The following CEP63 variants were observed in gnomAD, a reference collection of about 807,000 sequenced individuals.
The protein encoded by CEP63 is centrosomal protein of 63 kDa.
Under a neutral mutation model 89.1 loss-of-function variants are expected in CEP63, and 84 were observed. The ratio of observed to expected loss-of-function variants is 0.94; its 90% CI spans 0.79 to 1.13. The LOEUF is 1.13. Ranked by LOEUF, CEP63 falls within the 50% of genes most tolerant of loss-of-function variation. CEP63 has a pLI of 0.00. For synonymous variants in CEP63, 267 were observed against 272.5 expected, an observed-to-expected ratio of 0.98 and a Z score of 0.20; for missense variants, 838 against 813.3, an observed-to-expected ratio of 1.03 and a Z score of -0.37.
the CEP63 span, among the ~76,000 whole-genome samples, chr3:134,763,972 G>A: frequency 6.6e-6 from 1 of 152,160 alleles, no homozygotes; most frequent in Non-Finnish European, 1.5e-5. Context: ...TACTCCCTGG[G>A]TCATAAGGAT....
downstream of CEP63, among the ~76,000 whole-genome samples, chr3:134,589,361 C>G (rs1404179165): frequency 1.3e-5 from 2 of 151,992 alleles, no homozygotes; most frequent in African/African-American, 4.8e-5. Context: ...CTATTATGAC[C>G]AAGCTGAGTT....
At chr3:134,661,566 C>T in the CEP63 span, among the ~76,000 whole-genome samples, 1 of 151,880 alleles carries the variant, frequency 6.6e-6, no homozygotes, top group African/African-American at 2.4e-5. Context: ...TGAAGAGGGT[C>T]CCAAGAGAAG....
At chr3:134,523,962 T>C (rs1341055355) in intron 3 of CEP63, among the ~76,000 whole-genome samples, 6 of 152,212 alleles carry the variant, frequency 3.9e-5, no homozygotes, top group Admixed American at 3.9e-4. Flanking sequence ...TAGTGTTGAA[T>C]CTATAAATTG....
chr3:134,488,174 G>C (rs1182296025), intron 1 of CEP63: 1 of 152,196 alleles, frequency 6.6e-6, no homozygotes, highest in African/African-American at 2.4e-5. Context: ...TCTCCTAGGG[G>C]CACGAACCCT....
At chr3:134,501,031 A>G (rs994315336) in intron 2 of CEP63, among the ~76,000 whole-genome samples, 4 of 152,192 alleles carry the variant, frequency 2.6e-5, no homozygotes, top group Non-Finnish European at 4.4e-5. Context: ...GAGGAAGTGT[A>G]GGGGTTGAGT....
At chr3:134,518,607 C>T (rs1196359439) in intron 3 of CEP63, among the ~76,000 whole-genome samples, 2 of 152,012 alleles carry the variant, frequency 1.3e-5, no homozygotes, top group Admixed American at 6.5e-5. Context: ...GAATATGGTA[C>T]GTATCAAAAC....
At chr3:134,700,606 G>T in the CEP63 span, among the ~76,000 whole-genome samples, 1 of 151,996 alleles carries the variant, frequency 6.6e-6, no homozygotes, top group African/African-American at 2.4e-5. Flanking sequence ...GGAATAAGAA[G>T]ATTTATCTTC....
At chr3:134,641,771 C>T in the CEP63 span, among the ~76,000 whole-genome samples, 12 of 152,314 alleles carry the variant, frequency 7.9e-5, no homozygotes, top group Middle Eastern at 3.4e-3. Context: ...TGCTTTACTT[C>T]CCCCTTATAC....
At chr3:134,609,450 G>T in the CEP63 span, among the ~76,000 whole-genome samples, 1 of 152,202 alleles carries the variant, frequency 6.6e-6, no homozygotes, top group African/African-American at 2.4e-5. Flanking sequence ...TGTAGGATGT[G>T]TGTGCACATG....
chr3:134,697,420 G>A, the CEP63 span, among the ~76,000 whole-genome samples: 3 of 152,216 alleles, frequency 2.0e-5, no homozygotes, highest in African/African-American at 7.2e-5. Context: ...CTGGCATTTA[G>A]TTTTGGGCAC....
the CEP63 span, among the ~76,000 whole-genome samples, chr3:134,708,533 T>C: frequency 2.6e-5 from 4 of 152,256 alleles, no homozygotes; most frequent in Non-Finnish European, 4.4e-5. Flanking sequence ...GAAAAGTTTA[T>C]ATACTTTTTA....
chr3:134,573,506 A>G (rs1029547065), intron 11 of CEP63, among the ~76,000 whole-genome samples: 1 of 152,152 alleles, frequency 6.6e-6, no homozygotes, highest in Admixed American at 6.5e-5. Context: ...GTTGAATAGG[A>G]AGTCCTTTCC....
At chr3:134,545,464 A>G (rs924268388) in intron 6 of CEP63, 122 bp from the exon 7 acceptor site, 3 of 746,172 alleles carry the variant, frequency 4.0e-6, no homozygotes, top group Middle Eastern at 2.9e-4. Flanking sequence ...CAATATATAT[A>G]TATATATTTT....
intron 11 of CEP63, among the ~76,000 whole-genome samples, chr3:134,550,939 G>A (rs781725163): frequency 3.9e-5 from 6 of 152,112 alleles, no homozygotes; most frequent in Non-Finnish European, 8.8e-5. Flanking sequence ...AAAATGACTG[G>A]GCATTGTATT....
chr3:134,778,419 T>G, the CEP63 span, among the ~76,000 whole-genome samples: 18 of 147,622 alleles, frequency 1.2e-4, no homozygotes, highest in East Asian at 3.3e-3. Flanking sequence ...TTTGACTGTT[T>G]CATGATATTT....
At chr3:134,634,443 A>G in the CEP63 span, among the ~76,000 whole-genome samples, 4 of 152,368 alleles carry the variant, frequency 2.6e-5, no homozygotes, top group East Asian at 7.7e-4. Context: ...GACTCACACA[A>G]ACATAGCAAA....
intron 6 of CEP63, among the ~76,000 whole-genome samples, chr3:134,541,699 G>GA (rs1952048037): frequency 6.6e-6 from 1 of 151,552 alleles, no homozygotes; most frequent in Non-Finnish European, 1.5e-5. Context: ...TTTTAGTAGA[G>GA]ATGGGGTTTT....
the CEP63 span, among the ~76,000 whole-genome samples, chr3:134,733,799 C>A: frequency 2.0e-5 from 3 of 152,170 alleles, no homozygotes; most frequent in Admixed American, 6.5e-5. Flanking sequence ...AGGCTTCTAG[C>A]CTGCAGAACA....
At chr3:134,757,101 C>T in the CEP63 span, among the ~76,000 whole-genome samples, 3 of 152,166 alleles carry the variant, frequency 2.0e-5, no homozygotes, top group Non-Finnish European at 4.4e-5. Flanking sequence ...CAAGCAGATG[C>T]TTTCCTTTTT....
Sources: allele counts gnomAD v4.1 joint callset (sites outside exome capture counted in the v4.1 genomes callset), GRCh38; gene constraint gnomAD v4.1.1; transcripts MANE v1.5; gene names NCBI Gene and HGNC (gene_info 2026-07-23, HGNC 2026-07-21).